Variants in GPHN observed in about 807,000 individuals in gnomAD.
GPHN encodes gephyrin.
A neutral mutation model predicts 95.5 loss-of-function variants in GPHN; 17 were observed. The ratio of observed to expected loss-of-function variants is 0.18; its 90% CI spans 0.12 to 0.27. The LOEUF is 0.27. Ranked by LOEUF, GPHN falls within the 10% of genes least tolerant of loss-of-function variation. The pLI, the probability that GPHN is intolerant of heterozygous loss-of-function variation, is 1.00. For synonymous variants in GPHN, 320 were observed against 322.5 expected (o/e 0.99, Z 0.08); for missense variants, 660 against 978.1 (o/e 0.67, Z 4.34).
At chr14:67,645,026 T>C in the GPHN span, among the ~76,000 whole-genome samples, 1 of 151,534 alleles carries the variant, frequency 6.6e-6, no homozygotes, top group African/African-American at 2.4e-5. Context: ...TTGAATGCCA[T>C]GCTAATATAT....
chr14:67,383,006 A>G, the GPHN span, among the ~76,000 whole-genome samples: 2 of 151,936 alleles, frequency 1.3e-5, no homozygotes, highest in African/African-American at 4.8e-5. Context: ...TTTTAACAGG[A>G]TATCTATTTG....
At chr14:66,641,427 T>A (rs1188709281) in intron 1 of GPHN, among the ~76,000 whole-genome samples, 2 of 152,182 alleles carry the variant, frequency 1.3e-5, no homozygotes, top group East Asian at 3.8e-4. Flanking sequence ...AGCCTCATTA[T>A]AAAGTTAGGA....
chr14:67,312,441 T>A, the GPHN span: 91 of 972,824 alleles, frequency 9.4e-5, no homozygotes, highest in African/African-American at 1.3e-3. Context: ...TAAAAAATAA[T>A]AAAAAATTTG....
chr14:67,098,433 T>C (rs1172028710), intron 12 of GPHN, among the ~76,000 whole-genome samples: 1 of 152,110 alleles, frequency 6.6e-6, no homozygotes, highest in Non-Finnish European at 1.5e-5. Flanking sequence ...TCCCTGAAGC[T>C]AACAATAAAC....
Position 66,596,793 on chromosome 14 carries a change from C to CG in GPHN, c.65-84308dup, listed in dbSNP as rs1448221866. 2.2e-4 allele frequency among the ~76,000 whole-genome samples: 34 copies of CG among 152,234 alleles called. No homozygotes were observed. In the East Asian group the frequency reaches 5.6e-3, roughly 25 times the overall value. On this transcript the variant is annotated intron_variant, in intron 1 of 22. Coordinates refer to ENST00000478722, the MANE Select transcript of GPHN (RefSeq NM_020806.5). ...ACAGCTTGACGGCTACAACTGCGCC[C>CG]GGGGGGCGGGGCTCCCACCTGTTTA...
intron 5 of GPHN, among the ~76,000 whole-genome samples, chr14:66,894,739 C>T (rs1193266356): frequency 6.6e-6 from 1 of 152,130 alleles, no homozygotes; most frequent in Non-Finnish European, 1.5e-5. Context: ...TTTATGCAGC[C>T]AACAGACACA....
chr14:67,651,343 C>T, the GPHN span: 1 of 1,612,332 alleles, frequency 6.2e-7, no homozygotes, highest in Non-Finnish European at 8.5e-7. Context: ...CATGCATTCA[C>T]AAGGTCAAAG....
At chr14:67,727,445 A>C in the GPHN span, 1 of 449,880 alleles carries the variant, frequency 2.2e-6, no homozygotes, top group African/African-American at 2.0e-5. Flanking sequence ...TGATTTTCAC[A>C]GTAGCTTTTT....
chr14:66,984,853 T>C (rs2070913239), intron 9 of GPHN, among the ~76,000 whole-genome samples: 1 of 152,072 alleles, frequency 6.6e-6, no homozygotes, highest in Non-Finnish European at 1.5e-5. Flanking sequence ...CCTGCCGTTT[T>C]TTTTTTATTG....
the GPHN span, among the ~76,000 whole-genome samples, chr14:67,368,321 G>A: frequency 6.6e-6 from 1 of 152,120 alleles, no homozygotes; most frequent in African/African-American, 2.4e-5. Flanking sequence ...ATTTTGGCTT[G>A]GTGTATGAGT....
chr14:67,519,139 C>A, the GPHN span, among the ~76,000 whole-genome samples: 2 of 152,120 alleles, frequency 1.3e-5, no homozygotes, highest in African/African-American at 2.4e-5. Flanking sequence ...AGTCTCTTTG[C>A]AACTGCCCCT....
chr14:66,897,713 C>A (rs2064928748), intron 5 of GPHN, among the ~76,000 whole-genome samples: 1 of 152,056 alleles, frequency 6.6e-6, no homozygotes, highest in Admixed American at 6.6e-5. Flanking sequence ...ATATGCACTA[C>A]AGTTTGTTCA....
intron 2 of GPHN, among the ~76,000 whole-genome samples, chr14:66,700,442 T>C (rs1262323685): frequency 1.3e-5 from 2 of 152,218 alleles, no homozygotes; most frequent in Non-Finnish European, 2.9e-5. Context: ...TGTACGCATG[T>C]TGGCTGTTGC....
the GPHN span, among the ~76,000 whole-genome samples, chr14:67,519,393 G>A: frequency 6.6e-6 from 1 of 152,204 alleles, no homozygotes; most frequent in Non-Finnish European, 1.5e-5. Flanking sequence ...GGAAGTAATC[G>A]AGGGTCTCCT....
At chr14:66,566,246 TA>T (rs892390568) in intron 1 of GPHN, among the ~76,000 whole-genome samples, 23 of 151,926 alleles carry the variant, frequency 1.5e-4, no homozygotes, top group Admixed American at 6.6e-4. Flanking sequence ...ATAGCCTACT[TA>T]AAAAAAACCT....
At chr14:67,637,410 CAAAAAAAA>C in the GPHN span, among the ~76,000 whole-genome samples, 49 of 103,642 alleles carry the variant, frequency 4.7e-4, no homozygotes, top group Admixed American at 6.3e-4. Flanking sequence ...GACTCTGTCT[CAAAAAAAA>C]AAAAAAAAAA....
In GPHN at chr14:66,836,885, C is replaced by T. The variant is rs1231203726; in HGVS notation, c.294+12319C>T. 9.8e-4 allele frequency among the ~76,000 whole-genome samples: 149 copies of T among 151,420 alleles called. 2 individuals carry two copies. Among genetic ancestry groups the T allele is most frequent in the Middle Eastern group, 3.4e-3 (1 of 292 alleles). On this transcript the variant is annotated intron_variant, in intron 4 of 22. Transcript: ENST00000478722. ...CCATCAGAGAAATGCAAATCAAAAC[C>T]ACAATGAGATACCATCTCACACCAG...
chr14:67,062,724 A>G (rs1353967819), intron 11 of GPHN, among the ~76,000 whole-genome samples: 1 of 152,150 alleles, frequency 6.6e-6, no homozygotes, highest in Non-Finnish European at 1.5e-5. Flanking sequence ...TTCTTTTGAG[A>G]AGTGTCTGTT....
intron 1 of GPHN, among the ~76,000 whole-genome samples, chr14:66,530,085 G>T (rs915832978): frequency 2.6e-5 from 4 of 152,172 alleles, no homozygotes; most frequent in African/African-American, 9.7e-5. Context: ...CCAGGGCGAT[G>T]GAGGTTTTAT....
Sources: gnomAD v4.1 joint callset for allele counts (sites outside exome capture counted in the v4.1 genomes callset) on GRCh38, gnomAD v4.1.1 for gene constraint, MANE v1.5 for transcripts, NCBI Gene and HGNC (gene_info 2026-07-23, HGNC 2026-07-21) for gene names.